Variants in ANO3 observed in about 807,000 individuals in gnomAD.
ANO3 encodes the protein anoctamin-3.
A neutral mutation model predicts 144.8 loss-of-function variants in ANO3; 99 were observed. The observed-to-expected ratio is 0.68, with a 90% CI of 0.58 to 0.81. ANO3 has a LOEUF of 0.81. Ranked by LOEUF, ANO3 falls within the 30% of genes least tolerant of loss-of-function variation. The probability of loss-of-function intolerance (pLI) is 0.00; values close to 1 mark genes in which losing one functional copy is unlikely to be tolerated. For missense variants in ANO3, 905 were observed against 1,202.2 expected, an observed-to-expected ratio of 0.75 and a Z score of 3.66; for synonymous variants, 414 against 392.6, an observed-to-expected ratio of 1.05 and a Z score of -0.64.
chr11:26,276,874 C>T (rs1853570616), intron 1 of ANO3, among the ~76,000 whole-genome samples: 1 of 152,096 alleles, frequency 6.6e-6, no homozygotes, highest in Non-Finnish European at 1.5e-5. Flanking sequence ...AATGATATTT[C>T]ACCTCTGTCA....
chr11:26,206,779 A>G (rs1203486260), intron 1 of ANO3, among the ~76,000 whole-genome samples: 1 of 152,202 alleles, frequency 6.6e-6, no homozygotes, highest in Non-Finnish European at 1.5e-5. Context: ...ATGAATGAAC[A>G]TTCCAGCAAG....
chr11:26,461,756 G>A (rs1859404001), intron 3 of ANO3, among the ~76,000 whole-genome samples: 1 of 152,014 alleles, frequency 6.6e-6, no homozygotes, highest in Non-Finnish European at 1.5e-5. Context: ...TACTAGTTTA[G>A]TGACTTTGGC....
chr11:26,453,593 AC>A (rs1318776461), intron 3 of ANO3, among the ~76,000 whole-genome samples: 1 of 152,040 alleles, frequency 6.6e-6, no homozygotes, highest in Non-Finnish European at 1.5e-5. Flanking sequence ...GTCCTGAGTG[AC>A]CTACAAAGAG....
intron 1 of ANO3, among the ~76,000 whole-genome samples, chr11:26,336,133 G>T (rs1855186502): frequency 6.6e-6 from 1 of 152,102 alleles, no homozygotes; most frequent in African/African-American, 2.4e-5. Flanking sequence ...AGTGATTTCT[G>T]GGGAAAGTCC....
At chr11:26,623,812 G>C (rs920172052) in intron 17 of ANO3, among the ~76,000 whole-genome samples, 4 of 150,132 alleles carry the variant, frequency 2.7e-5, no homozygotes, top group Non-Finnish European at 5.9e-5. Context: ...TTTTTGAGAC[G>C]GAGTCTCACT....
chr11:26,509,985 G>A (rs761353117), intron 5 of ANO3, among the ~76,000 whole-genome samples: 2 of 151,612 alleles, frequency 1.3e-5, no homozygotes, highest in Non-Finnish European at 2.9e-5. Context: ...CTTACAAAAA[G>A]TAGCTGGTCG....
chr11:26,440,683 T>C (rs1858480347), intron 1 of ANO3, among the ~76,000 whole-genome samples: 1 of 152,148 alleles, frequency 6.6e-6, no homozygotes, highest in African/African-American at 2.4e-5. Flanking sequence ...AGAGAAGCAG[T>C]GTCACTGTGG....
Position 26,565,211 on chromosome 11 carries a change from G to A in ANO3, c.1447+5432G>A, listed in dbSNP as rs776008933. 2.0e-6 allele frequency: 3 copies of A among 1,510,388 alleles called. No individual in the cohort carries two copies. In the East Asian group the frequency reaches 6.9e-5, roughly 35 times the overall value. The allele number at this position is 1,510,388 out of a possible 1,614,324, so 93.6% of individuals were successfully genotyped here. A position where few individuals can be genotyped will look rare whatever the true frequency, so the allele number is the denominator to read the frequency against. ...TTGGAAAGAGTTTTGAATTATTGGT[G>A]AATTTTAAGGTAGGCTGTAGAGTTG... On this transcript the variant is annotated intron_variant, in intron 14 of 26. Coordinates refer to ENST00000256737, the MANE Select transcript of ANO3 (RefSeq NM_031418.4).
intron 1 of ANO3, among the ~76,000 whole-genome samples, chr11:26,244,974 G>GGTGTGTGTGTGT (rs61543573): frequency 5.8e-5 from 7 of 121,632 alleles, no homozygotes; most frequent in Admixed American, 1.6e-4. Flanking sequence ...CTGGTCTCCT[G>GGTGTGTGTGTGT]GTGTGTGTGT....
At chr11:26,651,390 G>C (rs756299645) in intron 24 of ANO3, among the ~76,000 whole-genome samples, 4 of 152,088 alleles carry the variant, frequency 2.6e-5, no homozygotes, top group Non-Finnish European at 5.9e-5. Context: ...TATTAAAATA[G>C]TCAATACATG....
At chr11:26,393,415 G>A (rs757428287) in intron 1 of ANO3, among the ~76,000 whole-genome samples, 1 of 151,996 alleles carries the variant, frequency 6.6e-6, no homozygotes, top group East Asian at 1.9e-4. Flanking sequence ...TGGAAAGGAA[G>A]AGAAAAAGGG....
At position 26,440,663 on chromosome 11, in the gene ANO3, G is replaced by GGC. The variant is rs554511101; in HGVS notation, c.47-1253_47-1252dup. On this transcript the variant is annotated intron_variant, in intron 1 of 26. Coordinates refer to ENST00000256737, the MANE Select transcript of ANO3 (RefSeq NM_031418.4). Reference sequence around the variant, plus strand: ...GGAAGAGAAAAGAGCCTCCACTGGAGGCGGCTGCAAGAGAAGCAGTGTCAC... The same window carrying GGC: ...GGAAGAGAAAAGAGCCTCCACTGGAGGCGCGGCTGCAAGAGAAGCAGTGTCAC... Among the ~76,000 whole-genome samples, 14 of 152,294 alleles carry GGC rather than the reference G, an allele frequency of 9.2e-5. 1 individual carries two copies. The South Asian group carries it at 2.7e-3, about 29-fold the overall frequency.
At chr11:26,554,144 T>C (rs1234450839) in intron 13 of ANO3, among the ~76,000 whole-genome samples, 1 of 152,164 alleles carries the variant, frequency 6.6e-6, no homozygotes, top group Non-Finnish European at 1.5e-5. Flanking sequence ...TCATTATAGA[T>C]AAATTTGTAT....
intron 13 of ANO3, among the ~76,000 whole-genome samples, chr11:26,553,568 T>C (rs1299468411): frequency 6.6e-6 from 1 of 152,184 alleles, no homozygotes; most frequent in Non-Finnish European, 1.5e-5. Context: ...AACTGATTTT[T>C]GCCACCATAG....
chr11:26,509,632 A>C (rs1429751317), intron 5 of ANO3, among the ~76,000 whole-genome samples: 2 of 152,138 alleles, frequency 1.3e-5, no homozygotes, highest in African/African-American at 4.8e-5. Flanking sequence ...GGTTTTAACT[A>C]GTTTTGTAAA....
In ANO3 at chr11:26,542,038, G is replaced by T; in HGVS notation, c.1124G>T (p.Trp375Leu). Residue 375 changes from tryptophan to leucine, a missense_variant, in exon 11 of 27, where the codon TGG (tryptophan) becomes TTG (leucine). Transcript: ENST00000256737. Reference protein sequence around the residue: ...LYERWARWGMWYKHQPLDLIR... With the variant: ...LYERWARWGMLYKHQPLDLIR... ...GAGCGCTGGGCACGCTGGGGAATGT[G>T]GTATAAGCATCAGCCTCTGGATTTA... 1 of 1,612,178 alleles carries T rather than the reference G, an allele frequency of 6.2e-7. No individual in the cohort carries two copies. Among genetic ancestry groups the T allele is most frequent in the Non-Finnish European group, 8.5e-7 (1 of 1,178,862 alleles).
intron 1 of ANO3, among the ~76,000 whole-genome samples, chr11:26,249,218 C>A (rs934157367): frequency 6.6e-6 from 1 of 152,052 alleles, no homozygotes; most frequent in Non-Finnish European, 1.5e-5. Context: ...AAACAAGACC[C>A]GCTTAATGTA....
chr11:26,466,018 A>G (rs1161298719), intron 4 of ANO3, among the ~76,000 whole-genome samples: 1 of 151,984 alleles, frequency 6.6e-6, no homozygotes, highest in Non-Finnish European at 1.5e-5. Flanking sequence ...AAAATTTTAC[A>G]GATCAAAAGG....
At chr11:26,633,141 C>T (rs1292027741) in intron 18 of ANO3, among the ~76,000 whole-genome samples, 1 of 152,148 alleles carries the variant, frequency 6.6e-6, no homozygotes, top group Non-Finnish European at 1.5e-5. Context: ...TATCTATTTT[C>T]CATCTTTATT....
Sources: gnomAD v4.1 joint callset for allele counts (sites outside exome capture counted in the v4.1 genomes callset) on GRCh38, gnomAD v4.1.1 for gene constraint, MANE v1.5 for transcripts, NCBI Gene and HGNC (gene_info 2026-07-23, HGNC 2026-07-21) for gene names.